EFHB: variants seen among roughly 807,000 people sequenced by gnomAD.
EFHB encodes EF-hand domain family member B.
EFHB carries 91 observed loss-of-function variants against 87.2 expected under a neutral mutation model. That is an observed-to-expected ratio of 1.04 (90% CI 0.88 to 1.24). EFHB has a LOEUF of 1.24. Among genes scored for constraint, EFHB ranks in the 50% most tolerant of loss-of-function variants. The probability of loss-of-function intolerance (pLI) is 0.00; values close to 1 mark genes in which losing one functional copy is unlikely to be tolerated. For missense variants in EFHB, 1,084 were observed against 998.8 expected (o/e 1.09, Z -1.15); for synonymous variants, 325 against 333.6 (o/e 0.97, Z 0.28).
chr3:19,887,207 C>A (rs1210171300), intron 10 of EFHB, among the ~76,000 whole-genome samples: 3 of 151,694 alleles, frequency 2.0e-5, no homozygotes, highest in Non-Finnish European at 4.4e-5. Context: ...ATGGTGAAAC[C>A]CTGTCTCTGC....
At position 19,900,360 on chromosome 3, in the gene EFHB, C is replaced by G. The variant is rs184920404; in HGVS notation, c.1419-845G>C. 9.2e-5 allele frequency among the ~76,000 whole-genome samples: 14 copies of G among 152,078 alleles called. No individual in the cohort carries two copies. In the East Asian group the frequency reaches 1.9e-3, roughly 21 times the overall value. On this transcript the variant is annotated intron_variant, in intron 6 of 12. Transcript: ENST00000295824. Reference sequence around the variant, plus strand: ...GCAAATACATGGAGAATTTATAATACTCTCTAGTAATAAAATAAATGTAAA... The same window carrying G: ...GCAAATACATGGAGAATTTATAATAGTCTCTAGTAATAAAATAAATGTAAA...
intron 9 of EFHB, among the ~76,000 whole-genome samples, chr3:19,892,889 T>TAAAATAAAATAAAATAAG (rs79080019): frequency 0.019 from 2,747 of 147,878 alleles, 88 homozygotes; most frequent in African/African-American, 0.063. Flanking sequence ...AATAAAATAA[T>TAAAATAAAATAAAATAAG]ATAAAATCAG....
At chr3:19,883,145 C>G (rs191005854) in intron 11 of EFHB, among the ~76,000 whole-genome samples, 1 of 151,866 alleles carries the variant, frequency 6.6e-6, no homozygotes, top group African/African-American at 2.4e-5. Flanking sequence ...AGACTACAGG[C>G]GTTTGCCATC....
chr3:19,934,430 T>C, upstream of EFHB, among the ~76,000 whole-genome samples: 2 of 89,662 alleles, frequency 2.2e-5, no homozygotes, highest in South Asian at 4.3e-4. Flanking sequence ...CTCCTCTCCT[T>C]TGCCCTCTCC....
chr3:19,905,855 A>T, intron 5 of EFHB, 106 bp from the exon 6 acceptor site: 1 of 1,382,818 alleles, frequency 7.2e-7, no homozygotes, highest in Non-Finnish European at 9.7e-7. Flanking sequence ...AATGGAACAA[A>T]AAATGAAATT....
Position 19,888,625 on chromosome 3 carries a change from G to A in EFHB, c.1752C>T (p.Asp584=), listed in dbSNP as rs952716481. ...DKKGDGMIDK[D]ELQEACDQAN... ...CCTGGTCACAAGCTTCCTGCAGCTCGTCTTTATCTATCATCCCATCTCCCT... is the reference window on the plus strand; with the variant it reads ...CCTGGTCACAAGCTTCCTGCAGCTCATCTTTATCTATCATCCCATCTCCCT... The change falls in exon 10 of 13, where the codon GAC becomes GAT. Residue 584 remains aspartate, a synonymous_variant. Transcript: ENST00000295824. 59 of 1,606,080 alleles carry A rather than the reference G, an allele frequency of 3.7e-5. No homozygotes were observed. Among genetic ancestry groups the A allele is most frequent in the South Asian group, 4.5e-5 (4 of 89,208 alleles).
At position 19,920,508 on chromosome 3, in the gene EFHB, G is replaced by T; in HGVS notation, c.849C>A (p.Pro283=). 6.2e-7 allele frequency: 1 copy of T among 1,601,358 alleles called. No individual in the cohort carries two copies. Among genetic ancestry groups the T allele is most frequent in the Non-Finnish European group, 8.5e-7 (1 of 1,175,462 alleles). The change falls in exon 2 of 13, where the codon CCC becomes CCA. Residue 283 remains proline, a synonymous_variant. Transcript: ENST00000295824. The part of the protein sequence containing the change: ...RVATCLTEKL[P]RLITPPEAKK... ...AAGGTATATTGAAAGTGCTCACCCTGGGAAGTTTTTCAGTCAAGCAGGTTG... is the reference window on the plus strand; with the variant it reads ...AAGGTATATTGAAAGTGCTCACCCTTGGAAGTTTTTCAGTCAAGCAGGTTG...
At position 19,882,733 on chromosome 3, in the gene EFHB, T is replaced by C. The variant is rs2071711243; in HGVS notation, c.2147-2A>G. The C allele has an allele frequency of 1.9e-6, 3 of 1,609,446 alleles. No homozygotes were observed. The highest frequency in any genetic ancestry group is 2.5e-6 in the Non-Finnish European group (3 of 1,177,032). The stretch of plus-strand genomic sequence containing the variant: ...TTGGAACACCACAAATGGGGTAACC[T>C]AGGTCATTGATGAGGGAAGAAAACA... On this transcript the variant is annotated splice_acceptor_variant, in intron 11 of 12. Coordinates refer to ENST00000295824, the MANE Select transcript of EFHB (RefSeq NM_144715.4). LOFTEE classifies it high-confidence loss of function.
At chr3:19,900,651 G>T (rs1276976882) in intron 6 of EFHB, among the ~76,000 whole-genome samples, 2 of 152,126 alleles carry the variant, frequency 1.3e-5, no homozygotes, top group East Asian at 3.9e-4. Flanking sequence ...AAAAGAGCCT[G>T]GGCACGGTGG....
At chr3:19,883,692 C>A (rs1040111286) in intron 11 of EFHB, among the ~76,000 whole-genome samples, 1 of 151,978 alleles carries the variant, frequency 6.6e-6, no homozygotes, top group African/African-American at 2.4e-5. Flanking sequence ...TATGGTGGGC[C>A]CCTAACCTAA....
At chr3:19,918,083 A>G (rs1695294741) in intron 4 of EFHB, 149 bp downstream of exon 4, 1 of 931,080 alleles carries the variant, frequency 1.1e-6, no homozygotes, top group Non-Finnish European at 1.6e-6. Context: ...TGGTTCTGAG[A>G]GTAACTTTCT....
intron 5 of EFHB, among the ~76,000 whole-genome samples, chr3:19,907,496 C>G (rs1182265336): frequency 6.6e-6 from 1 of 152,164 alleles, no homozygotes; most frequent in Non-Finnish European, 1.5e-5. Context: ...TCTGGCAGCA[C>G]TTTCCACTAT....
At chr3:19,882,805 G>A in intron 11 of EFHB, 74 bp from the exon 12 acceptor site, 8 of 1,331,054 alleles carry the variant, frequency 6.0e-6, no homozygotes, top group South Asian at 1.9e-5. Flanking sequence ...CCAGTCACAT[G>A]TGCATACTGA....
chr3:19,892,503 A>G (rs1156783195), intron 9 of EFHB, among the ~76,000 whole-genome samples: 1 of 152,256 alleles, frequency 6.6e-6, no homozygotes, highest in African/African-American at 2.4e-5. Context: ...ATTCCTGGAC[A>G]TGGTGCAACA....
chr3:19,881,617 G>A (rs973789889), intron 12 of EFHB, among the ~76,000 whole-genome samples: 3 of 152,024 alleles, frequency 2.0e-5, no homozygotes, highest in Non-Finnish European at 2.9e-5. Context: ...TCCTCCTTTG[G>A]GGCCAGTAAG....
chr3:19,901,358 T>C (rs1246484994), intron 6 of EFHB, among the ~76,000 whole-genome samples: 1 of 152,214 alleles, frequency 6.6e-6, no homozygotes, highest in East Asian at 1.9e-4. Context: ...TACTATTTAA[T>C]AACATTAAAA....
chr3:19,939,370 C>CTTT (rs147510880), intron 1 of EFHB, among the ~76,000 whole-genome samples: 2,014 of 64,558 alleles, frequency 0.031, 393 homozygotes, highest in African/African-American at 0.039. Flanking sequence ...GTTGGGTCTC[C>CTTT]TTTTTTTTTT....
chr3:19,928,009 A>C (rs1300202810), intron 1 of EFHB, among the ~76,000 whole-genome samples: 1 of 150,512 alleles, frequency 6.6e-6, no homozygotes, highest in South Asian at 2.1e-4. Context: ...CATATAAAGA[A>C]AGCATAAAGA....
chr3:19,890,276 C>T (rs1214763068), intron 9 of EFHB, among the ~76,000 whole-genome samples: 1 of 152,180 alleles, frequency 6.6e-6, no homozygotes, highest in Non-Finnish European at 1.5e-5. Context: ...ATCCCTCCCT[C>T]CCCCAAGCCC....
Sources: gnomAD v4.1 joint callset for allele counts (sites outside exome capture counted in the v4.1 genomes callset) on GRCh38, gnomAD v4.1.1 for gene constraint, MANE v1.5 for transcripts, NCBI Gene and HGNC (gene_info 2026-07-23, HGNC 2026-07-21) for gene names.